PTGER3: variants seen among roughly 807,000 people sequenced by gnomAD.
PTGER3 encodes the protein prostaglandin E receptor 3, also known as prostaglandin E2 receptor EP3 subtype.
Under a neutral mutation model 34.7 loss-of-function variants are expected in PTGER3, and 22 were observed. That is an observed-to-expected ratio of 0.63 (90% CI 0.45 to 0.91). The LOEUF (loss-of-function observed/expected upper bound fraction) is 0.91, where lower values mean the gene tolerates loss of function less well. PTGER3 is among the 40% of genes least tolerant of loss of function. The pLI is 0.00. For missense variants in PTGER3, 468 were observed against 519.4 expected (o/e 0.90, Z 0.96); for synonymous variants, 241 against 230.1 (o/e 1.05, Z -0.43).
intron 2 of PTGER3, chr1:71,002,189 G>A (rs949782511): frequency 1.3e-5 from 2 of 152,290 alleles, no homozygotes; most frequent in South Asian, 2.1e-4. Flanking sequence ...CTTAAGCCAG[G>A]AGGCTGAGGC....
At chr1:70,930,250 T>C (rs1422841652) in intron 4 of PTGER3, among the ~76,000 whole-genome samples, 1 of 152,216 alleles carries the variant, frequency 6.6e-6, no homozygotes, top group Non-Finnish European at 1.5e-5. Flanking sequence ...TCCGTCCTAC[T>C]GACCCAGACT....
At chr1:70,969,526 A>G (rs1652869501), downstream of PTGER3, among the ~76,000 whole-genome samples, 1 of 152,182 alleles carries the variant, frequency 6.6e-6, no homozygotes, top group South Asian at 2.1e-4. Context: ...GACATATACA[A>G]TGAAAATATT....
At chr1:70,852,978 C>G in intron 4 of PTGER3, 1 of 1,140,504 alleles carries the variant, frequency 8.8e-7, no homozygotes, top group South Asian at 1.3e-5. Context: ...AATGGTAAAT[C>G]ACTTACAGCA....
At chr1:70,916,465 G>T (rs1647176818) in intron 4 of PTGER3, among the ~76,000 whole-genome samples, 1 of 152,058 alleles carries the variant, frequency 6.6e-6, no homozygotes, top group African/African-American at 2.4e-5. Flanking sequence ...CAACAGCAAA[G>T]ACATAGAATC....
At chr1:71,046,625 G>A (rs1193667684) in intron 1 of PTGER3, 56 bp downstream of exon 1, 7 of 1,498,282 alleles carry the variant, frequency 4.7e-6, no homozygotes, top group Non-Finnish European at 6.2e-6. Flanking sequence ...CAAAGTCTTA[G>A]GTTCCCGCTT....
intron 1 of PTGER3, among the ~76,000 whole-genome samples, chr1:71,015,792 C>A (rs1436158233): frequency 2.0e-5 from 3 of 152,094 alleles, no homozygotes; most frequent in Non-Finnish European, 4.4e-5. Flanking sequence ...AAAATTCTTA[C>A]AAGACTGTGT....
At chr1:70,991,055 T>C (rs754217719) in intron 2 of PTGER3, among the ~76,000 whole-genome samples, 6 of 152,178 alleles carry the variant, frequency 3.9e-5, no homozygotes, top group Non-Finnish European at 7.3e-5. Context: ...TGGGCTTCCA[T>C]TTGATTAATA....
At chr1:70,975,037 G>A (rs1201328800) in intron 2 of PTGER3, among the ~76,000 whole-genome samples, 1 of 152,112 alleles carries the variant, frequency 6.6e-6, no homozygotes, top group Admixed American at 6.5e-5. Flanking sequence ...CTGTTCACTA[G>A]GACTGGTGCC....
rs992001645 is a variant in PTGER3, at chr1:70,993,362, T to A, written c.1077+18943A>T. On this transcript the variant is annotated intron_variant, in intron 2 of 3. Coordinates refer to ENST00000306666, the MANE Select transcript of PTGER3 (RefSeq NM_198719.2). Reference sequence around the variant, plus strand: ...TATACATGGGACATGGGTGAATATGTCTGTGCGATAGAGCTTATGACACCC... The same window carrying A: ...TATACATGGGACATGGGTGAATATGACTGTGCGATAGAGCTTATGACACCC... Among the ~76,000 whole-genome samples, 16 of 152,192 alleles carry A rather than the reference T, an allele frequency of 1.1e-4. 1 individual carries two copies.
Position 70,971,719 on chromosome 1 carries a change from C to A in PTGER3, c.*11G>T. The A allele has an allele frequency of 6.4e-7, 1 of 1,563,726 alleles. No individual in the cohort carries two copies. Among genetic ancestry groups the A allele is most frequent in the Non-Finnish European group, 8.7e-7 (1 of 1,153,840 alleles). On this transcript the variant is annotated 3_prime_UTR_variant, in exon 4 of 4. Coordinates refer to ENST00000306666, the MANE Select transcript of PTGER3 (RefSeq NM_198719.2). Reference sequence around the variant, plus strand: ...AGGAATTGCAATAAAATGTCCAACTCCGTTCTTTCATTATCTGTTAGAATA... The same window carrying A: ...AGGAATTGCAATAAAATGTCCAACTACGTTCTTTCATTATCTGTTAGAATA...
downstream of PTGER3, among the ~76,000 whole-genome samples, chr1:70,966,939 A>G (rs1652587360): frequency 6.6e-6 from 1 of 152,026 alleles, no homozygotes; most frequent in South Asian, 2.1e-4. Flanking sequence ...TAGTAGAATG[A>G]TTTCTATTTT....
chr1:70,980,758 T>C (rs1572839986), intron 2 of PTGER3, among the ~76,000 whole-genome samples: 2 of 152,320 alleles, frequency 1.3e-5, no homozygotes, highest in Admixed American at 6.5e-5. Context: ...AAACAGGCCA[T>C]TTATTATGCT....
At chr1:71,046,616 A>C in intron 1 of PTGER3, 65 bp downstream of exon 1, 1 of 1,487,662 alleles carries the variant, frequency 6.7e-7, no homozygotes, top group Non-Finnish European at 8.9e-7. Context: ...GCCACTTAGC[A>C]AAGTCTTAGG....
chr1:70,876,111 G>A (rs1646267064), intron 4 of PTGER3, among the ~76,000 whole-genome samples: 1 of 151,970 alleles, frequency 6.6e-6, no homozygotes, highest in Non-Finnish European at 1.5e-5. Flanking sequence ...GTTGTTTTTT[G>A]ACATTTTAGT....
intron 4 of PTGER3, among the ~76,000 whole-genome samples, chr1:70,917,070 T>C (rs1405328479): frequency 6.6e-6 from 1 of 151,990 alleles, no homozygotes; most frequent in East Asian, 1.9e-4. Flanking sequence ...TCTTGAAATA[T>C]ACACTACATT....
At position 71,047,445 on chromosome 1, in the gene PTGER3, C is replaced by T. The variant is rs757690899; in HGVS notation, c.133G>A (p.Glu45Lys). Residue 45 changes from glutamate to lysine, a missense_variant, in exon 1 of 4, where the codon GAG becomes AAG. Glu to Lys is a moderately conservative substitution (Grantham distance 56). Coordinates refer to ENST00000306666, the MANE Select transcript of PTGER3 (RefSeq NM_198719.2). ...GCCACGGACACCGATCCGCAATCCT[C>T]GCCAGACCCTGGAGGGCGCGTGAGG... ...GNLTRPPGSG[E>K]DCGSVSVAFP... is the part of the protein sequence containing the mutation. 6 of 1,611,044 alleles carry T rather than the reference C, an allele frequency of 3.7e-6. No homozygotes were observed. The highest frequency in any genetic ancestry group is 2.7e-5 in the African/African-American group (2 of 74,950).
At chr1:70,988,039 G>A (rs1301828367) in intron 2 of PTGER3, among the ~76,000 whole-genome samples, 1 of 152,062 alleles carries the variant, frequency 6.6e-6, no homozygotes, top group Non-Finnish European at 1.5e-5. Flanking sequence ...CTCAGTGACA[G>A]GAGTATCAAA....
Position 71,017,249 on chromosome 1 carries a change from A to G in PTGER3, c.898-4765T>C, listed in dbSNP as rs533450962. Among the ~76,000 whole-genome samples, 3 of 152,270 alleles carry G rather than the reference A, an allele frequency of 2.0e-5. No homozygotes were observed. The East Asian group carries it at 5.8e-4, about 29-fold the overall frequency. ...GGCCAGAGGGAGAGATGACTATAGA[A>G]GAATGGTCAGAGATACACAGTATCT... is the stretch of plus-strand genomic sequence containing the variant. On this transcript the variant is annotated intron_variant, in intron 1 of 3. Transcript: ENST00000306666.
chr1:70,971,861 C>A, intron 3 of PTGER3, 128 bp from the exon 4 acceptor site: 1 of 584,890 alleles, frequency 1.7e-6, no homozygotes, highest in South Asian at 3.9e-5. Context: ...AAAACATTCT[C>A]TTTTGAAGTA....
Sources: allele counts gnomAD v4.1 joint callset (sites outside exome capture counted in the v4.1 genomes callset), GRCh38; gene constraint gnomAD v4.1.1; transcripts MANE v1.5; gene names NCBI Gene and HGNC (gene_info 2026-07-23, HGNC 2026-07-21).